FUT8: variants seen among roughly 807,000 people sequenced by gnomAD.
FUT8 encodes the protein alpha-(1,6)-fucosyltransferase.
Under a neutral mutation model 71.3 loss-of-function variants are expected in FUT8, and 29 were observed. The observed-to-expected ratio is 0.41, with a 90% CI of 0.30 to 0.55. The LOEUF is 0.55. Ranked by LOEUF, FUT8 falls within the 20% of genes least tolerant of loss-of-function variation. The pLI is 0.34. For missense variants in FUT8, 544 were observed against 702.1 expected (o/e 0.77, Z 2.55); for synonymous variants, 254 against 239.3 (o/e 1.06, Z -0.57).
At chr14:65,576,869 G>A (rs760556363) in intron 3 of FUT8, among the ~76,000 whole-genome samples, 9 of 151,714 alleles carry the variant, frequency 5.9e-5, no homozygotes, top group African/African-American at 1.2e-4. Flanking sequence ...ATAGGCACGC[G>A]TCGCCATGCC....
intron 3 of FUT8, among the ~76,000 whole-genome samples, chr14:65,592,933 G>GAC (rs1887769635): frequency 6.6e-6 from 1 of 152,120 alleles, no homozygotes; most frequent in Non-Finnish European, 1.5e-5. Context: ...ATCTGGGCTG[G>GAC]ACCAAGGCAT....
intron 6 of FUT8, among the ~76,000 whole-genome samples, chr14:65,630,184 A>G (rs544306645): frequency 6.5e-4 from 99 of 152,280 alleles, no homozygotes; most frequent in African/African-American, 2.3e-3. Context: ...TAGGCTTGGA[A>G]ACAGATTACA....
rs118083403 is a variant in FUT8, at chr14:65,721,686, G to A, written c.836-89G>A. On this transcript the variant is annotated intron_variant, in intron 7 of 10. Transcript: ENST00000673929. Reference sequence around the variant, plus strand: ...TTATACTTCTTTAGAGTTGCTGTGAGGATGAAAGCACTCAGAATAAGTTCT... The same window carrying A: ...TTATACTTCTTTAGAGTTGCTGTGAAGATGAAAGCACTCAGAATAAGTTCT... 7,093 of 1,276,842 alleles carry A rather than the reference G, an allele frequency of 5.6e-3. 254 individuals are homozygous for A. The East Asian group carries it at 0.099, about 18-fold the overall frequency. 79.1% of individuals were successfully genotyped at this position (1,276,842 alleles called of 1,614,324 possible).
chr14:65,726,103 G>A (rs1312014204), intron 9 of FUT8, among the ~76,000 whole-genome samples: 2 of 152,152 alleles, frequency 1.3e-5, no homozygotes, highest in African/African-American at 4.8e-5. Flanking sequence ...ATGTAAGAGG[G>A]ATTAAATGAA....
chr14:65,410,182 G>A (rs759291874), upstream of FUT8, among the ~76,000 whole-genome samples: 28 of 152,208 alleles, frequency 1.8e-4, 1 homozygote, highest in Middle Eastern at 6.3e-3. Flanking sequence ...TCTGGAGAGA[G>A]TAAAATAAAT....
At position 65,452,369 on chromosome 14, in the gene FUT8, G is replaced by A. The variant is rs143267014; in HGVS notation, c.-325-3252G>A. On this transcript the variant is annotated intron_variant, in intron 1 of 10. Coordinates refer to ENST00000673929, the MANE Select transcript of FUT8 (RefSeq NM_001371533.1). ...AACCACAGTTCTCAAGACATTTGCC[G>A]TCAAGCAGCAAAAGACATTGATCCC... Among the ~76,000 whole-genome samples, 665 of 152,258 alleles carry A rather than the reference G, an allele frequency of 4.4e-3. 3 individuals carry two copies. Among genetic ancestry groups the A allele is most frequent in the African/African-American group, 0.015 (635 of 41,554 alleles).
chr14:65,666,428 C>G (rs1422477205), intron 6 of FUT8, among the ~76,000 whole-genome samples: 4 of 152,046 alleles, frequency 2.6e-5, no homozygotes, highest in Non-Finnish European at 2.9e-5. Context: ...ATTAGAAAAC[C>G]TACAAGAAAA....
At chr14:65,416,259 C>G (rs1230355764) in intron 1 of FUT8, among the ~76,000 whole-genome samples, 1 of 150,042 alleles carries the variant, frequency 6.7e-6, no homozygotes, top group East Asian at 1.9e-4. Context: ...CTTTACTAAA[C>G]ATAAAATTAA....
intron 5 of FUT8, among the ~76,000 whole-genome samples, chr14:65,617,697 C>A (rs556231164): frequency 1.3e-5 from 2 of 152,196 alleles, no homozygotes; most frequent in East Asian, 3.9e-4. Flanking sequence ...GTAATCCCAG[C>A]ACTTTGGGAG....
the FUT8 span, among the ~76,000 whole-genome samples, chr14:65,390,724 T>G: frequency 1.3e-5 from 1 of 76,750 alleles, no homozygotes; most frequent in Non-Finnish European, 2.7e-5. Flanking sequence ...AATTTCCTAT[T>G]CTTTTTTTTT....
At chr14:65,676,062 A>C (rs1008495473) in intron 7 of FUT8, among the ~76,000 whole-genome samples, 21 of 152,162 alleles carry the variant, frequency 1.4e-4, no homozygotes, top group Admixed American at 1.4e-3. Context: ...TCCCCATCCA[A>C]ATTTCAAAAC....
At chr14:65,364,186 A>G in the FUT8 span, among the ~76,000 whole-genome samples, 1 of 140,574 alleles carries the variant, frequency 7.1e-6, no homozygotes, top group Non-Finnish European at 1.5e-5. Context: ...GTAAAATGAG[A>G]TAACAGATCC....
At chr14:65,676,716 G>A (rs1892735338) in intron 7 of FUT8, among the ~76,000 whole-genome samples, 1 of 150,870 alleles carries the variant, frequency 6.6e-6, no homozygotes, top group African/African-American at 2.4e-5. Flanking sequence ...AGTCACAGTT[G>A]ACCTTCAACT....
the FUT8 span, among the ~76,000 whole-genome samples, chr14:65,399,477 C>T: frequency 6.6e-6 from 1 of 152,164 alleles, no homozygotes. Flanking sequence ...CTTAGACTTT[C>T]ATGAAAATCC....
the FUT8 span, among the ~76,000 whole-genome samples, chr14:65,374,450 T>C: frequency 6.6e-6 from 1 of 152,194 alleles, no homozygotes; most frequent in African/African-American, 2.4e-5. Flanking sequence ...GCCCACACCA[T>C]GAAAGACCAA....
chr14:65,397,583 T>C, the FUT8 span, among the ~76,000 whole-genome samples: 2 of 152,246 alleles, frequency 1.3e-5, no homozygotes, highest in Non-Finnish European at 2.9e-5. The surrounding 1 kb of genome is among the most constrained non-coding windows in gnomAD (Gnocchi z 4.2). Context: ...ATGTCTACAC[T>C]GTTCCAGTCT....
At chr14:65,606,385 T>C (rs1462365355) in intron 3 of FUT8, among the ~76,000 whole-genome samples, 1 of 151,776 alleles carries the variant, frequency 6.6e-6, no homozygotes, top group Non-Finnish European at 1.5e-5. Context: ...CCCAAAAATT[T>C]TTAAGTTTTA....
rs1034467504 is a variant in FUT8, at chr14:65,627,766, T to TA, written c.483-1725dup. 2.0e-5 allele frequency among the ~76,000 whole-genome samples: 3 copies of TA among 152,228 alleles called. No individual in the cohort carries two copies. The highest frequency in any genetic ancestry group is 7.2e-5 in the African/African-American group (3 of 41,468). On this transcript the variant is annotated intron_variant, in intron 5 of 10. Coordinates refer to ENST00000673929, the MANE Select transcript of FUT8 (RefSeq NM_001371533.1). The surrounding 1 kb of genome is among the most constrained non-coding windows in gnomAD (Gnocchi z 4.0). ...CCAACTCACACAACTCTTGAAAACT[T>TA]ATCAGGAAGCTGCTGATGACCAGCT...
chr14:65,656,934 A>G (rs990850644), intron 6 of FUT8, among the ~76,000 whole-genome samples: 14 of 152,202 alleles, frequency 9.2e-5, no homozygotes, highest in African/African-American at 2.9e-4. Flanking sequence ...TGGTGCTGGG[A>G]AAACTGGATA....
Sources: gnomAD v4.1 joint callset for allele counts (sites outside exome capture counted in the v4.1 genomes callset) on GRCh38, gnomAD v4.1.1 for gene constraint, Gnocchi (gnomAD v3.1) non-coding constraint, MANE v1.5 for transcripts, NCBI Gene and HGNC (gene_info 2026-07-23, HGNC 2026-07-21) for gene names.